The following SLC10A2 variants were observed in gnomAD, a reference collection of about 807,000 sequenced individuals.
The protein encoded by SLC10A2 is ileal sodium/bile acid cotransporter.
A neutral mutation model predicts 27.1 loss-of-function variants in SLC10A2; 34 were observed. The observed-to-expected ratio is 1.26, with a 90% CI of 0.96 to 1.67. SLC10A2 has a LOEUF of 1.67. Among genes scored for constraint, SLC10A2 ranks in the 40% most tolerant of loss-of-function variants. The pLI is 0.00. For missense variants in SLC10A2, 530 were observed against 444.4 expected (o/e 1.19, Z -1.73); for synonymous variants, 205 against 174.0 (o/e 1.18, Z -1.40).
At chr13:103,064,154 C>T (rs185711386) in intron 1 of SLC10A2, among the ~76,000 whole-genome samples, 4 of 152,180 alleles carry the variant, frequency 2.6e-5, no homozygotes, top group East Asian at 1.9e-4. Context: ...CTCCATGTTG[C>T]GTTACAGGGC....
At chr13:103,053,081 GGTGTGTGTGTGTGTGT>G (rs143709540) in intron 2 of SLC10A2, among the ~76,000 whole-genome samples, 28 of 145,178 alleles carry the variant, frequency 1.9e-4, no homozygotes, top group African/African-American at 6.4e-4. Flanking sequence ...AGCTCACCAA[GGTGTGTGTGTGTGTGT>G]GTGTGTGTGT....
chr13:103,057,808 G>A (rs550903045), intron 2 of SLC10A2, among the ~76,000 whole-genome samples: 7 of 151,990 alleles, frequency 4.6e-5, no homozygotes, highest in East Asian at 1.9e-4. Flanking sequence ...GAACCCAGGG[G>A]GTGAAATTTG....
Position 103,066,118 on chromosome 13 carries a change from C to G in SLC10A2, c.132G>C (p.Leu44Phe), listed in dbSNP as rs199553519. The G allele has an allele frequency of 1.5e-4, 241 of 1,614,056 alleles. No homozygotes were observed. The Admixed American group carries it at 3.9e-3, about 26-fold the overall frequency. Reference sequence around the variant, plus strand: ...CGTTGCATCCCATGGAGAACATCACCAAGGCCAACAGGATGGTCAGCACCG... The same window carrying G: ...CGTTGCATCCCATGGAGAACATCACGAAGGCCAACAGGATGGTCAGCACCG... ...LSTVLTILLA[L>F]VMFSMGCNVE... The change falls in exon 1 of 6, where the codon TTG becomes TTC. Residue 44 changes from leucine to phenylalanine, a missense_variant. Coordinates refer to ENST00000245312, the MANE Select transcript of SLC10A2 (RefSeq NM_000452.3).
At chr13:103,055,417 C>T (rs1054813061) in intron 2 of SLC10A2, among the ~76,000 whole-genome samples, 24 of 152,176 alleles carry the variant, frequency 1.6e-4, no homozygotes, top group African/African-American at 5.3e-4. Context: ...GTACCAAACA[C>T]GTCTGCCCAT....
At position 103,045,165 on chromosome 13, in the gene SLC10A2, C is replaced by T. The variant is rs1267518738; in HGVS notation, c.*968G>A. 1 of 152,216 alleles carries T rather than the reference C, an allele frequency of 6.6e-6. No individual in the cohort carries two copies. Among genetic ancestry groups the T allele is most frequent in the East Asian group, 1.9e-4 (1 of 5,202 alleles). The allele number at this position is 152,216 out of a possible 1,614,324, so 9.4% of individuals were successfully genotyped here. A position where few individuals can be genotyped will look rare whatever the true frequency, so the allele number is the denominator to read the frequency against. Reference sequence around the variant, plus strand: ...GTTTTCTATGTATTTTATACTATCTCCCATTGAATTAATTCCTCCACTAGA... The same window carrying T: ...GTTTTCTATGTATTTTATACTATCTTCCATTGAATTAATTCCTCCACTAGA... On this transcript the variant is annotated 3_prime_UTR_variant, in exon 6 of 6. Transcript: ENST00000245312.
At chr13:103,046,905 C>A (rs1875627186) in intron 5 of SLC10A2, among the ~76,000 whole-genome samples, 1 of 152,178 alleles carries the variant, frequency 6.6e-6, no homozygotes, top group Non-Finnish European at 1.5e-5. Context: ...ATGTGTGAGG[C>A]AGTGGAGGAA....
intron 1 of SLC10A2, among the ~76,000 whole-genome samples, chr13:103,065,336 C>T (rs953330229): frequency 4.6e-5 from 7 of 152,088 alleles, no homozygotes; most frequent in Non-Finnish European, 1.0e-4. Flanking sequence ...CTTTTAATGC[C>T]AGTAGAGGTG....
intron 1 of SLC10A2, among the ~76,000 whole-genome samples, chr13:103,060,745 C>T (rs764126634): frequency 2.0e-4 from 30 of 152,076 alleles, no homozygotes; most frequent in Non-Finnish European, 7.4e-5. Flanking sequence ...AATCGGGAAA[C>T]TTAGAGAAAT....
In SLC10A2 at chr13:103,065,938, T is replaced by A; in HGVS notation, c.312A>T (p.Gly104=). 6.2e-7 allele frequency: 1 copy of A among 1,614,056 alleles called. No homozygotes were observed. The highest frequency in any genetic ancestry group is 8.5e-7 in the Non-Finnish European group (1 of 1,179,992). ...TGGAGGCAGTTCCTCCAGGGCAGCATCCTATAATGAGCACCACTACGGCCT... is the reference window on the plus strand; with the variant it reads ...TGGAGGCAGTTCCTCCAGGGCAGCAACCTATAATGAGCACCACTACGGCCT... The part of the protein sequence containing the change: ...PLQAVVVLII[G]CCPGGTASNI... The change falls in exon 1 of 6, where the codon GGA becomes GGT. Residue 104 remains glycine, a synonymous_variant. Transcript: ENST00000245312.
At chr13:103,063,585 G>C (rs1036890136) in intron 1 of SLC10A2, among the ~76,000 whole-genome samples, 2 of 152,118 alleles carry the variant, frequency 1.3e-5, no homozygotes, top group African/African-American at 4.8e-5. Context: ...AAACTGTTAC[G>C]CAATAGCTCA....
intron 2 of SLC10A2, among the ~76,000 whole-genome samples, chr13:103,057,918 CA>C (rs1875986975): frequency 1.3e-5 from 2 of 151,864 alleles, no homozygotes; most frequent in African/African-American, 4.8e-5. Context: ...TGTCTGGATG[CA>C]AAATCCTATG....
rs982047246 is a variant in SLC10A2, at chr13:103,046,169, A to G, written c.1011T>C (p.Tyr337=). 1.2e-6 allele frequency: 2 copies of G among 1,613,942 alleles called. No individual in the cohort carries two copies. The highest frequency in any genetic ancestry group is 2.2e-5 in the East Asian group (1 of 44,850). ...CAGGTTGAAATCCTCCATTTGCCTT[A>G]TAAAACGATGACTCTGGCTCCGTTC... ...ENGTEPESSF[Y]KANGGFQPDE... Residue 337 remains tyrosine, a synonymous_variant, in exon 6 of 6, where the codon TAT becomes TAC. Coordinates refer to ENST00000245312, the MANE Select transcript of SLC10A2 (RefSeq NM_000452.3).
At position 103,051,423 on chromosome 13, in the gene SLC10A2, T is replaced by C. The variant is rs958421545; in HGVS notation, c.595A>G (p.Ile199Val). 4 of 1,613,792 alleles carry C rather than the reference T, an allele frequency of 2.5e-6. No individual in the cohort carries two copies. The highest frequency in any genetic ancestry group is 3.4e-6 in the Non-Finnish European group (4 of 1,179,930). The change falls in exon 4 of 6, where the codon ATC becomes GTC. Residue 199 changes from isoleucine to valine, a missense_variant. Ile to Val is a conservative substitution (Grantham distance 29, BLOSUM62 3). Coordinates refer to ENST00000245312, the MANE Select transcript of SLC10A2 (RefSeq NM_000452.3). ...AGCACAATGAGGATGGCGCCCGCGA[T>C]GGACCCAATCTGAAAAAAAAAGGAA... ...KAKIILKIGS[I>V]AGAILIVLIA... is the part of the protein sequence containing the mutation.
chr13:103,049,292 C>A lies in SLC10A2; in HGVS notation c.916G>T (p.Gly306Ter). Residue 306 changes from glycine (G) to a stop codon, truncating the protein, a stop_gained, in exon 5 of 6, where the codon GGA (glycine) becomes TGA (stop). Coordinates refer to ENST00000245312, the MANE Select transcript of SLC10A2 (RefSeq NM_000452.3). LOFTEE classifies it low-confidence loss of function (END_TRUNC). ...FQLAFAAIFL[G>*]FYVAYKKCHG... ...TGGGATTGGCATGATTCCTTACATC[C>A]TAAGAATATTGCGGCAAAGGCGAGC... 6.2e-7 allele frequency: 1 copy of A among 1,613,566 alleles called. No homozygotes were observed. The highest frequency in any genetic ancestry group is 8.5e-7 in the Non-Finnish European group (1 of 1,179,674).
chr13:103,049,952 C>G (rs1326515973), intron 4 of SLC10A2, among the ~76,000 whole-genome samples: 3 of 152,036 alleles, frequency 2.0e-5, no homozygotes, highest in African/African-American at 7.2e-5. Flanking sequence ...AGTTCAAGAC[C>G]AGACTGGGCC....
chr13:103,064,882 G>T (rs1254929597), intron 1 of SLC10A2, among the ~76,000 whole-genome samples: 1 of 152,184 alleles, frequency 6.6e-6, no homozygotes, highest in Non-Finnish European at 1.5e-5. Context: ...TGAGACAGCA[G>T]GTTCCTAATT....
chr13:103,064,430 A>G (rs1278440738), intron 1 of SLC10A2, among the ~76,000 whole-genome samples: 1 of 152,194 alleles, frequency 6.6e-6, no homozygotes, highest in Non-Finnish European at 1.5e-5. Context: ...CTAATAGTCC[A>G]GTACCACACA....
intron 1 of SLC10A2, among the ~76,000 whole-genome samples, chr13:103,058,947 G>C (rs1052254181): frequency 6.6e-6 from 1 of 152,186 alleles, no homozygotes; most frequent in Non-Finnish European, 1.5e-5. Context: ...ATAATAGAAC[G>C]ATTTGTATTC....
At chr13:103,057,007 G>T (rs971159590) in intron 2 of SLC10A2, among the ~76,000 whole-genome samples, 2 of 152,148 alleles carry the variant, frequency 1.3e-5, no homozygotes, top group Non-Finnish European at 2.9e-5. Flanking sequence ...CTCAGAAATG[G>T]AAGGCATTTC....
Sources: gnomAD v4.1 joint callset for allele counts (sites outside exome capture counted in the v4.1 genomes callset) on GRCh38, gnomAD v4.1.1 for gene constraint, MANE v1.5 for transcripts, NCBI Gene and HGNC (gene_info 2026-07-23, HGNC 2026-07-21) for gene names.